Variants in ARHGAP32 observed in about 807,000 individuals in gnomAD.
ARHGAP32 encodes Rho GTPase activating protein 32, also known as rho GTPase-activating protein 32.
In ARHGAP32, 51 loss-of-function variants were observed where a neutral mutation model predicts 186.5. The ratio of observed to expected loss-of-function variants is 0.27; its 90% CI spans 0.22 to 0.35. The LOEUF (loss-of-function observed/expected upper bound fraction) is 0.35, where lower values mean the gene tolerates loss of function less well. ARHGAP32 is among the 10% of genes least tolerant of loss of function. The pLI is 1.00. For missense variants in ARHGAP32, 2,186 were observed against 2,623.5 expected, an observed-to-expected ratio of 0.83 and a Z score of 3.64; for synonymous variants, 950 against 964.3, an observed-to-expected ratio of 0.99 and a Z score of 0.27.
At chr11:129,095,863 C>A (rs1690238510) in intron 5 of ARHGAP32, among the ~76,000 whole-genome samples, 1 of 152,200 alleles carries the variant, frequency 6.6e-6, no homozygotes, top group South Asian at 2.1e-4. Flanking sequence ...GGCTTCATAG[C>A]AAAGCACAAA....
Position 128,982,774 on chromosome 11 carries a change from C to T in ARHGAP32, c.1527-838G>A, listed in dbSNP as rs1294824678. Among the ~76,000 whole-genome samples, 3 of 151,390 alleles carry T rather than the reference C, an allele frequency of 2.0e-5. No individual in the cohort carries two copies. In the East Asian group the frequency reaches 5.8e-4, roughly 29 times the overall value. On this transcript the variant is annotated intron_variant, in intron 15 of 22. Coordinates refer to ENST00000682385, the MANE Select transcript of ARHGAP32 (RefSeq NM_001378024.1). Reference sequence around the variant, plus strand: ...GTGTGGTGGTGCATGCCTGTAGTGCCAGCTACTCGGGAGGCTGAGGCAGGA... The same window carrying T: ...GTGTGGTGGTGCATGCCTGTAGTGCTAGCTACTCGGGAGGCTGAGGCAGGA...
At chr11:129,139,695 C>T (rs564617395) in intron 2 of ARHGAP32, among the ~76,000 whole-genome samples, 3 of 152,318 alleles carry the variant, frequency 2.0e-5, no homozygotes, top group African/African-American at 7.2e-5. Context: ...CATGTTAAGA[C>T]ATGACTTGCT....
At chr11:129,267,503 T>C (rs573199981) in intron 1 of ARHGAP32, among the ~76,000 whole-genome samples, 2 of 151,812 alleles carry the variant, frequency 1.3e-5, no homozygotes, top group East Asian at 3.9e-4. Flanking sequence ...TGATAATTTG[T>C]ATAGACATAT....
chr11:129,080,767 A>C (rs1941195527), intron 6 of ARHGAP32, among the ~76,000 whole-genome samples: 1 of 152,066 alleles, frequency 6.6e-6, no homozygotes, highest in South Asian at 2.1e-4. Context: ...GCAGAACTAA[A>C]TGAAATTGAA....
At chr11:129,217,993 G>A (rs972126457) in intron 1 of ARHGAP32, among the ~76,000 whole-genome samples, 2 of 152,108 alleles carry the variant, frequency 1.3e-5, no homozygotes, top group Non-Finnish European at 2.9e-5. Context: ...GCGTGACAAT[G>A]TACACAATGG....
intron 11 of ARHGAP32, among the ~76,000 whole-genome samples, chr11:129,020,982 T>C (rs914614663): frequency 9.2e-5 from 14 of 151,996 alleles, no homozygotes; most frequent in Non-Finnish European, 2.1e-4. Flanking sequence ...GGATCAGGAA[T>C]TAAATGAAAC....
chr11:129,078,278 C>T (rs1941108991), intron 6 of ARHGAP32, among the ~76,000 whole-genome samples: 2 of 152,048 alleles, frequency 1.3e-5, no homozygotes, highest in African/African-American at 4.8e-5. Context: ...ATCAAGAGAG[C>T]ACTCTGTGGG....
At chr11:129,166,515 A>AT (rs1297913419) in intron 1 of ARHGAP32, among the ~76,000 whole-genome samples, 2 of 152,106 alleles carry the variant, frequency 1.3e-5, no homozygotes, top group Non-Finnish European at 2.9e-5. Flanking sequence ...CAGCCAGAGA[A>AT]TTTTTTAAAG....
chr11:129,227,824 T>C (rs1944806207), intron 1 of ARHGAP32, among the ~76,000 whole-genome samples: 1 of 152,046 alleles, frequency 6.6e-6, no homozygotes, highest in South Asian at 2.1e-4. Context: ...CAGTATTGGA[T>C]AAAATAATTA....
chr11:129,126,647 G>A (rs1481248119), intron 2 of ARHGAP32, among the ~76,000 whole-genome samples: 1 of 151,984 alleles, frequency 6.6e-6, no homozygotes, highest in Non-Finnish European at 1.5e-5. Context: ...AATAAAGACG[G>A]CAAAACAACC....
chr11:129,187,709 T>A (rs538023250), intron 1 of ARHGAP32, among the ~76,000 whole-genome samples: 1 of 152,286 alleles, frequency 6.6e-6, no homozygotes, highest in South Asian at 2.1e-4. Context: ...AATAATTTTT[T>A]AAAATAATAT....
chr11:129,230,522 T>C (rs1944844143), intron 1 of ARHGAP32, among the ~76,000 whole-genome samples: 1 of 129,628 alleles, frequency 7.7e-6, no homozygotes, highest in Non-Finnish European at 1.6e-5. Context: ...TTTTTAAAAT[T>C]TGGTTATAAA....
chr11:129,254,675 CT>C (rs1413820504), intron 1 of ARHGAP32, among the ~76,000 whole-genome samples: 2 of 151,996 alleles, frequency 1.3e-5, no homozygotes, highest in Non-Finnish European at 2.9e-5. Context: ...CCTGTTTCAC[CT>C]TTTTAAGCAA....
intron 1 of ARHGAP32, among the ~76,000 whole-genome samples, chr11:129,167,867 A>T (rs1174638730): frequency 6.6e-6 from 1 of 152,240 alleles, no homozygotes; most frequent in Non-Finnish European, 1.5e-5. Context: ...AGTGAATCAC[A>T]TGGCATGTGA....
At chr11:129,237,714 G>C (rs557842332) in intron 1 of ARHGAP32, among the ~76,000 whole-genome samples, 1 of 152,136 alleles carries the variant, frequency 6.6e-6, no homozygotes, top group Non-Finnish European at 1.5e-5. Context: ...AGGAGAAAAG[G>C]CTCCAGAAAT....
intron 5 of ARHGAP32, among the ~76,000 whole-genome samples, chr11:129,116,470 T>G (rs1318451811): frequency 6.6e-6 from 1 of 152,014 alleles, no homozygotes. Flanking sequence ...AGAGGGAGTA[T>G]ACTGCAGAAC....
At chr11:129,033,854 C>T (rs1254358685) in intron 11 of ARHGAP32, among the ~76,000 whole-genome samples, 1 of 152,126 alleles carries the variant, frequency 6.6e-6, no homozygotes, top group Non-Finnish European at 1.5e-5. Context: ...AACTGCCCTC[C>T]AATGCCACCT....
intron 1 of ARHGAP32, among the ~76,000 whole-genome samples, chr11:129,236,163 T>C (rs1044869510): frequency 9.9e-5 from 15 of 152,220 alleles, no homozygotes; most frequent in Non-Finnish European, 1.9e-4. Flanking sequence ...TCCATAGTGG[T>C]TGCGCTAGTT....
intron 20 of ARHGAP32, among the ~76,000 whole-genome samples, chr11:128,976,235 T>A (rs564454): frequency 0.64 from 96,734 of 151,800 alleles, 31,160 homozygotes; most frequent in Middle Eastern, 0.7. Flanking sequence ...TGGAAAACTC[T>A]TATGCTCCCA....
Sources: allele counts gnomAD v4.1 joint callset (sites outside exome capture counted in the v4.1 genomes callset), GRCh38; gene constraint gnomAD v4.1.1; transcripts MANE v1.5; gene names NCBI Gene and HGNC (gene_info 2026-07-23, HGNC 2026-07-21).